WTAP: variants seen among roughly 807,000 people sequenced by gnomAD.
WTAP encodes the protein WT1 associated protein.
A neutral mutation model predicts 50.0 loss-of-function variants in WTAP; 8 were observed. That is an observed-to-expected ratio of 0.16 (90% CI 0.09 to 0.29). The LOEUF (loss-of-function observed/expected upper bound fraction) is 0.29. WTAP is among the 10% of genes least tolerant of loss of function. The probability of loss-of-function intolerance (pLI) is 1.00; values close to 1 mark genes in which losing one functional copy is unlikely to be tolerated. For synonymous variants in WTAP, 194 were observed against 169.0 expected (o/e 1.15, Z -1.15); for missense variants, 295 against 470.7 (o/e 0.63, Z 3.45).
At chr6:159,727,783 G>T in intron 1 of WTAP, 80 bp downstream of exon 1, 1 of 958,862 alleles carries the variant, frequency 1.0e-6, no homozygotes, top group Non-Finnish European at 1.2e-6. Context: ...CCCCCGGCGG[G>T]TAAGGGGCGG....
intron 6 of WTAP, 174 bp from the exon 7 acceptor site, chr6:159,753,286 A>C (rs759360136): frequency 2.5e-5 from 24 of 964,112 alleles, no homozygotes; most frequent in Middle Eastern, 2.7e-4. Flanking sequence ...TGTGTTGGCA[A>C]AATACTGAAA....
At chr6:159,732,306 C>G (rs1778622036) in intron 1 of WTAP, among the ~76,000 whole-genome samples, 1 of 152,128 alleles carries the variant, frequency 6.6e-6, no homozygotes, top group South Asian at 2.1e-4. Context: ...GTTGTACATA[C>G]TGAGTAGGTA....
At chr6:159,745,624 G>A (rs1443037130) in intron 5 of WTAP, among the ~76,000 whole-genome samples, 1 of 152,110 alleles carries the variant, frequency 6.6e-6, no homozygotes, top group African/African-American at 2.4e-5. Context: ...AAAAGATGAG[G>A]TCAGCCTGGA....
chr6:159,739,121 G>T (rs1779091890), intron 3 of WTAP, 76 bp downstream of exon 3: 1 of 1,206,028 alleles, frequency 8.3e-7, no homozygotes, highest in Non-Finnish European at 1.2e-6. Context: ...AATTGTCTTT[G>T]TGCCAGATAT....
chr6:159,727,377 C>CAGGAGGCGGGAGGCGGGAGGCGGGAGGG, upstream of WTAP: 2 of 536,504 alleles, frequency 3.7e-6, no homozygotes, highest in South Asian at 2.8e-5. Flanking sequence ...GGGAGGCTGG[C>CAGGAGGCGGGAGGCGGGAGGCGGGAGGG]GGGAGGCGGG....
At chr6:159,736,409 A>G in intron 2 of WTAP, 114 bp downstream of exon 2, 3 of 854,182 alleles carry the variant, frequency 3.5e-6, no homozygotes, top group Non-Finnish European at 5.7e-6. Context: ...CTTATTTTTC[A>G]TTTCTTTGCC....
upstream of WTAP, chr6:159,726,913 T>C: frequency 4.7e-6 from 6 of 1,288,858 alleles, no homozygotes; most frequent in South Asian, 1.2e-5. Context: ...TCTCTTGAGG[T>C]GGCACCTGGT....
At chr6:159,727,149 G>A (rs887080022), upstream of WTAP, 157 of 1,195,526 alleles carry the variant, frequency 1.3e-4, no homozygotes, top group African/African-American at 1.3e-3. Flanking sequence ...GAGCTCCGGG[G>A]CCCGCGGAGC....
intron 2 of WTAP, 133 bp downstream of exon 2, chr6:159,736,428 A>T (rs1051325644): frequency 4.2e-6 from 3 of 719,796 alleles, no homozygotes; most frequent in African/African-American, 1.8e-5. Flanking sequence ...CCTTTATAAC[A>T]ATAATAGCAT....
intron 3 of WTAP, among the ~76,000 whole-genome samples, chr6:159,740,229 A>G (rs1002810340): frequency 2.6e-5 from 4 of 151,676 alleles, no homozygotes; most frequent in Non-Finnish European, 1.5e-5. Flanking sequence ...CTGTGCAGTC[A>G]TTTTTTTGAT....
At chr6:159,735,125 T>G (rs986390452) in intron 1 of WTAP, among the ~76,000 whole-genome samples, 3 of 152,206 alleles carry the variant, frequency 2.0e-5, no homozygotes, top group Non-Finnish European at 4.4e-5. Flanking sequence ...AGGTGTGACA[T>G]ACATGTGTAT....
intron 7 of WTAP, among the ~76,000 whole-genome samples, chr6:159,754,592 T>C (rs1779935482): frequency 6.6e-6 from 1 of 152,238 alleles, no homozygotes; most frequent in Non-Finnish European, 1.5e-5. Context: ...TAAAATGATG[T>C]CATATTTACA....
intron 6 of WTAP, among the ~76,000 whole-genome samples, chr6:159,753,133 G>T (rs1260841860): frequency 6.6e-6 from 1 of 152,156 alleles, no homozygotes; most frequent in Non-Finnish European, 1.5e-5. Flanking sequence ...TATAGCCAAG[G>T]TGTGTGTTAA....
At chr6:159,739,084 G>T in intron 3 of WTAP, 39 bp downstream of exon 3, 1 of 1,514,478 alleles carries the variant, frequency 6.6e-7, no homozygotes, top group Non-Finnish European at 9.1e-7. Context: ...TCTTTCTATA[G>T]AACATTATAT....
chr6:159,726,965 C>G, upstream of WTAP: 1 of 1,284,056 alleles, frequency 7.8e-7, no homozygotes. Context: ...GTCACGAACA[C>G]AGAGCGGCCA....
At position 159,743,645 on chromosome 6, in the gene WTAP, A is replaced by G. The variant is rs756634669; in HGVS notation, c.146-20A>G. 1.3e-6 allele frequency: 2 copies of G among 1,556,888 alleles called. No individual in the cohort carries two copies. Among genetic ancestry groups the G allele is most frequent in the Admixed American group, 1.9e-5 (1 of 52,088 alleles). On this transcript the variant is annotated intron_variant, in intron 4 of 7. Coordinates refer to ENST00000621533, the MANE Select transcript of WTAP (RefSeq NM_001270531.2). ...ACTTGATCTTAAAATTGTATTTATA[A>G]TTTTTTTTTGAATCATCAGCTAATG... is the stretch of plus-strand genomic sequence containing the variant.
chr6:159,743,915 G>A (rs945238749), intron 5 of WTAP, 123 bp downstream of exon 5: 1 of 1,077,526 alleles, frequency 9.3e-7, no homozygotes, highest in Non-Finnish European at 1.2e-6. Context: ...AGGTACGTAT[G>A]CTTTGAGCTT....
chr6:159,727,218 T>G (rs1467293248), upstream of WTAP: 1 of 1,265,614 alleles, frequency 7.9e-7, no homozygotes, highest in Non-Finnish European at 1.0e-6. Context: ...TGCTCCATTG[T>G]GCCTCGAGGC....
At chr6:159,744,433 A>G (rs548482954) in intron 5 of WTAP, among the ~76,000 whole-genome samples, 52 of 152,184 alleles carry the variant, frequency 3.4e-4, no homozygotes, top group African/African-American at 1.2e-3. Flanking sequence ...CTCTCCCTTC[A>G]TTTGGTACAT....
Sources: allele counts gnomAD v4.1 joint callset (sites outside exome capture counted in the v4.1 genomes callset), GRCh38; gene constraint gnomAD v4.1.1; transcripts MANE v1.5; gene names NCBI Gene and HGNC (gene_info 2026-07-23, HGNC 2026-07-21).